ZNF536: variants seen among roughly 807,000 people sequenced by gnomAD.
ZNF536 encodes the protein zinc finger protein 536.
Under a neutral mutation model 84.5 loss-of-function variants are expected in ZNF536, and 13 were observed. The observed-to-expected ratio is 0.15, with a 90% CI of 0.10 to 0.24. The LOEUF (loss-of-function observed/expected upper bound fraction) is 0.24. ZNF536 is among the 10% of genes least tolerant of loss of function. The pLI, the probability that ZNF536 is intolerant of heterozygous loss-of-function variation, is 1.00. For synonymous variants in ZNF536, 811 were observed against 742.5 expected (o/e 1.09, Z -1.50); for missense variants, 1,536 against 1,747.5 (o/e 0.88, Z 2.16).
At chr19:30,539,225 G>T (rs894021782) in intron 3 of ZNF536, among the ~76,000 whole-genome samples, 4 of 152,118 alleles carry the variant, frequency 2.6e-5, no homozygotes, top group Non-Finnish European at 4.4e-5. Context: ...TGGTGAGCTG[G>T]AGACTCAGGA....
chr19:30,576,214 G>A (rs1159588738), intron 1 of ZNF536, among the ~76,000 whole-genome samples: 2 of 152,204 alleles, frequency 1.3e-5, no homozygotes, highest in South Asian at 4.1e-4. Context: ...GGGCGTGGGG[G>A]ACCCATGGGT....
At chr19:30,466,735 GGGAGGGAAGGAAGAAA>G (rs1371374192) in intron 2 of ZNF536, among the ~76,000 whole-genome samples, 4,557 of 120,162 alleles carry the variant, frequency 0.038, 271 homozygotes, top group African/African-American at 0.086. Context: ...GAAGGAGGGA[GGGAGGGAAGGAAGAAA>G]GGAGGGAAGG....
chr19:30,539,686 C>T (rs995592005), intron 3 of ZNF536, among the ~76,000 whole-genome samples: 14 of 152,156 alleles, frequency 9.2e-5, no homozygotes, highest in Non-Finnish European at 1.5e-4. Context: ...CTGTGCACTA[C>T]CTTGGGAAGC....
chr19:30,296,506 G>A (rs756718133), intron 2 of ZNF536, among the ~76,000 whole-genome samples: 3 of 152,216 alleles, frequency 2.0e-5, no homozygotes, highest in Non-Finnish European at 4.4e-5. Context: ...TCTTGACAGT[G>A]CAGAGGGGTC....
chr19:30,695,864 T>C (rs151028291), intron 1 of ZNF536, among the ~76,000 whole-genome samples: 13 of 152,112 alleles, frequency 8.5e-5, no homozygotes, highest in Non-Finnish European at 1.3e-4. Context: ...CTAAATTCCG[T>C]GCATCCTTAC....
intron 1 of ZNF536, among the ~76,000 whole-genome samples, chr19:30,696,535 T>A (rs2051666157): frequency 6.6e-6 from 1 of 152,236 alleles, no homozygotes; most frequent in East Asian, 1.9e-4. Context: ...CGATCAATAG[T>A]TGCTGTTGAG....
downstream of ZNF536, among the ~76,000 whole-genome samples, chr19:30,561,212 T>A (rs1244016148): frequency 6.6e-6 from 1 of 152,242 alleles, no homozygotes; most frequent in Admixed American, 6.5e-5. Flanking sequence ...ATTATTGCTC[T>A]TTTTATATGA....
At chr19:30,283,732 AGAGAGAGAGG>A (rs1600066621) in intron 1 of ZNF536, among the ~76,000 whole-genome samples, 1 of 144,702 alleles carries the variant, frequency 6.9e-6, no homozygotes, top group African/African-American at 2.7e-5. Flanking sequence ...AGAGAGAAAG[AGAGAGAGAGG>A]GAGAGAGAGA....
intron 1 of ZNF536, among the ~76,000 whole-genome samples, chr19:30,640,663 T>C (rs554853588): frequency 4.6e-5 from 7 of 152,322 alleles, no homozygotes; most frequent in African/African-American, 1.4e-4. Flanking sequence ...TACTGGTAGC[T>C]CCTGAATATC....
chr19:30,522,284 A>ATTATATATATATATTTTATATATATAT (rs2044389060), intron 2 of ZNF536, among the ~76,000 whole-genome samples: 1 of 7,914 alleles, frequency 1.3e-4, no homozygotes, highest in Non-Finnish European at 1.7e-4. Context: ...CATATATATA[A>ATTATATATATATATTTTATATATATAT]TATATATATA....
intron 3 of ZNF536, among the ~76,000 whole-genome samples, chr19:30,359,943 T>C (rs1250635055): frequency 6.6e-6 from 1 of 152,202 alleles, no homozygotes. Context: ...GGCCACCTGC[T>C]GAGTGAGAGA....
At chr19:30,561,681 T>C (rs775974777), downstream of ZNF536, among the ~76,000 whole-genome samples, 4 of 152,168 alleles carry the variant, frequency 2.6e-5, no homozygotes, top group Non-Finnish European at 5.9e-5. Flanking sequence ...GGAGCTCCTC[T>C]TGGAACAGTC....
At chr19:30,354,883 G>A (rs530328947) in intron 3 of ZNF536, among the ~76,000 whole-genome samples, 2 of 152,282 alleles carry the variant, frequency 1.3e-5, no homozygotes, top group South Asian at 4.2e-4. Flanking sequence ...CTGGACCTTG[G>A]ATGAGCTGGT....
intron 2 of ZNF536, among the ~76,000 whole-genome samples, chr19:30,309,598 A>T (rs562387807): frequency 6.6e-6 from 1 of 152,174 alleles, no homozygotes; most frequent in South Asian, 2.1e-4. Context: ...TGATTAATTG[A>T]TATTCTTTGT....
intron 2 of ZNF536, among the ~76,000 whole-genome samples, chr19:30,285,805 T>G (rs2045604855): frequency 1.3e-5 from 2 of 152,214 alleles, no homozygotes; most frequent in Non-Finnish European, 2.9e-5. Context: ...CACTAGATGC[T>G]GATAGCATGC....
chr19:30,367,358 A>G (rs1251506093), intron 3 of ZNF536, among the ~76,000 whole-genome samples: 3 of 152,184 alleles, frequency 2.0e-5, no homozygotes, highest in Non-Finnish European at 2.9e-5. Flanking sequence ...ACTTACATGA[A>G]ATAAAAGAGT....
chr19:30,485,256 G>A (rs1452806127), intron 2 of ZNF536, among the ~76,000 whole-genome samples: 1 of 152,070 alleles, frequency 6.6e-6, no homozygotes, highest in Non-Finnish European at 1.5e-5. Context: ...TTCTTCCCAT[G>A]GTTTCCTTCA....
intron 1 of ZNF536, among the ~76,000 whole-genome samples, chr19:30,417,456 A>T (rs968309748): frequency 1.3e-5 from 2 of 152,150 alleles, no homozygotes; most frequent in Non-Finnish European, 2.9e-5. Flanking sequence ...AAGGAGGGTG[A>T]ATGTGTCCAG....
chr19:30,386,028 G>A (rs951509268), intron 1 of ZNF536, among the ~76,000 whole-genome samples: 1 of 152,110 alleles, frequency 6.6e-6, no homozygotes, highest in African/African-American at 2.4e-5. Context: ...AAAAAATGTG[G>A]CCCAGAACAT....
Sources: allele counts gnomAD v4.1 joint callset (sites outside exome capture counted in the v4.1 genomes callset), GRCh38; gene constraint gnomAD v4.1.1; transcripts MANE v1.5; gene names NCBI Gene and HGNC (gene_info 2026-07-23, HGNC 2026-07-21).